Variants in DHCR24 observed in about 807,000 individuals in gnomAD.
DHCR24 encodes 24-dehydrocholesterol reductase.
In DHCR24, 28 loss-of-function variants were observed where a neutral mutation model predicts 61.2. The observed-to-expected ratio is 0.46, with a 90% confidence interval of 0.34 to 0.63. DHCR24 has a LOEUF of 0.63. DHCR24 is among the 20% of genes least tolerant of loss of function. DHCR24 has a pLI of 0.01. For synonymous variants in DHCR24, 261 were observed against 275.9 expected, an observed-to-expected ratio of 0.95 and a Z score of 0.54; for missense variants, 538 against 679.1, an observed-to-expected ratio of 0.79 and a Z score of 2.31.
At chr1:54,860,630 G>A (rs761256149) in intron 6 of DHCR24, among the ~76,000 whole-genome samples, 5 of 152,022 alleles carry the variant, frequency 3.3e-5, no homozygotes, top group African/African-American at 7.3e-5. Flanking sequence ...TGAATTCCCC[G>A]AATCCCATCA....
intron 2 of DHCR24, among the ~76,000 whole-genome samples, chr1:54,878,613 G>A (rs1647048116): frequency 6.8e-6 from 1 of 147,216 alleles, no homozygotes; most frequent in African/African-American, 2.5e-5. Flanking sequence ...AGCCAGACTA[G>A]AAAACTTGAT....
At chr1:54,875,039 G>A (rs1016565036) in intron 4 of DHCR24, 54 bp downstream of exon 4, 3 of 1,497,568 alleles carry the variant, frequency 2.0e-6, no homozygotes, top group Non-Finnish European at 2.8e-6. Flanking sequence ...CTGACCTCAG[G>A]ATCCTTAATG....
chr1:54,867,927 G>A (rs2278193), intron 5 of DHCR24, among the ~76,000 whole-genome samples: 69,602 of 152,044 alleles, frequency 0.46, 18,201 homozygotes, highest in South Asian at 0.65. Flanking sequence ...AAGTCTGCAG[G>A]CTGATATGTC....
In DHCR24 at chr1:54,887,078, G is replaced by A. The variant is rs866908072; in HGVS notation, c.42C>T (p.Phe14=). The A allele has an allele frequency of 1.2e-6, 2 of 1,607,372 alleles. No individual in the cohort carries two copies. Among genetic ancestry groups the A allele is most frequent in the Non-Finnish European group, 8.5e-7 (1 of 1,177,174 alleles). Residue 14 remains phenylalanine, a synonymous_variant, in exon 1 of 9, where the codon TTC becomes TTT. Coordinates refer to ENST00000371269, the MANE Select transcript of DHCR24 (RefSeq NM_014762.4). ...GCCCCTTCAGGCGCACCCACAGCAG[G>A]AAGAGCAGCGCGCACACGGCCAGCG... is the stretch of plus-strand genomic sequence containing the variant. ...AVSLAVCALL[F]LLWVRLKGLE... is the part of the protein sequence containing the mutation.
Position 54,887,131 on chromosome 1 carries a change from G to A in DHCR24, c.-12C>T, listed in dbSNP as rs780566617. The A allele has an allele frequency of 1.9e-6, 3 of 1,554,922 alleles. No individual in the cohort carries two copies. Among genetic ancestry groups the A allele is most frequent in the African/African-American group, 1.4e-5 (1 of 73,754 alleles). ...ACGGCGGGCTCCATGGTGCGGCGCC[G>A]CGCGGTAAGCGCTGCGGGTTCGCGC... On this transcript the variant is annotated 5_prime_UTR_variant, in exon 1 of 9. Transcript: ENST00000371269.
At position 54,852,101 on chromosome 1, in the gene DHCR24, G is replaced by A. The variant is rs1339120620; in HGVS notation, c.*132C>T. ...CCCTGGAAGCCAGGAGGAAGGTGGT[G>A]TTGGGCTGTCAGGGTGGGAGTTCTG... is the stretch of plus-strand genomic sequence containing the variant. On this transcript the variant is annotated 3_prime_UTR_variant, in exon 9 of 9. Coordinates refer to ENST00000371269, the MANE Select transcript of DHCR24 (RefSeq NM_014762.4). 2.8e-6 allele frequency: 3 copies of A among 1,083,416 alleles called. No homozygotes were observed. The highest frequency in any genetic ancestry group is 3.1e-5 in the African/African-American group (2 of 64,108). 67.1% of individuals were successfully genotyped at this position (1,083,416 alleles called of 1,614,324 possible).
rs1336247129 is a variant in DHCR24 at position 54,850,724 on chromosome 1, T to G, written c.*1509A>C. The G allele has an allele frequency of 2.6e-5, 4 of 152,236 alleles. No individual in the cohort carries two copies. Among genetic ancestry groups the G allele is most frequent in the Non-Finnish European group, 5.9e-5 (4 of 68,048 alleles). The allele number at this position is 152,236 out of a possible 1,614,324, so 9.4% of individuals were successfully genotyped here. ...CACTGGATCATTTTTCCTCTGACTT[T>G]CCACACAAATGAGGCTTTCCGTGGG... On this transcript the variant is annotated 3_prime_UTR_variant, in exon 9 of 9. Coordinates refer to ENST00000371269, the MANE Select transcript of DHCR24 (RefSeq NM_014762.4).
At chr1:54,865,100 G>A (rs1372707926) in intron 6 of DHCR24, among the ~76,000 whole-genome samples, 3 of 152,180 alleles carry the variant, frequency 2.0e-5, no homozygotes, top group Non-Finnish European at 2.9e-5. Context: ...GCAGATGCTT[G>A]CTAAGAGCCT....
chr1:54,864,162 C>T (rs926525808), intron 6 of DHCR24, among the ~76,000 whole-genome samples: 1 of 152,186 alleles, frequency 6.6e-6, no homozygotes, highest in African/African-American at 2.4e-5. Flanking sequence ...GAAAGTTAGA[C>T]ACAGAATTAG....
intron 2 of DHCR24, among the ~76,000 whole-genome samples, chr1:54,876,952 A>G (rs1158441560): frequency 6.6e-6 from 1 of 151,856 alleles, no homozygotes; most frequent in East Asian, 2.0e-4. Flanking sequence ...TAAGAAGTAT[A>G]GTGGTTCTGT....
At chr1:54,872,507 C>A (rs944039216) in intron 4 of DHCR24, among the ~76,000 whole-genome samples, 4 of 152,138 alleles carry the variant, frequency 2.6e-5, no homozygotes, top group African/African-American at 4.8e-5. Flanking sequence ...GGCAGGAGAG[C>A]TGGAGCAAGG....
At chr1:54,869,299 A>AC (rs1646984146) in intron 5 of DHCR24, among the ~76,000 whole-genome samples, 1 of 152,182 alleles carries the variant, frequency 6.6e-6, no homozygotes, top group African/African-American at 2.4e-5. Context: ...GACCATTACT[A>AC]CAAGTAGGCA....
At position 54,882,755 on chromosome 1, in the gene DHCR24, T is replaced by C. The variant is rs145870333; in HGVS notation, c.387+863A>G. ...AAGAGGCTAGACAAACAAAAAGTAC[T>C]GTATGATTCCATTTATATAAACTCT... On this transcript the variant is annotated intron_variant, in intron 2 of 8. Transcript: ENST00000371269. 5.0e-3 allele frequency among the ~76,000 whole-genome samples: 756 copies of C among 152,290 alleles called. 5 individuals are homozygous for C. Among genetic ancestry groups the C allele is most frequent in the Middle Eastern group, 0.02 (6 of 294 alleles).
At chr1:54,884,834 G>T (rs74899804) in intron 1 of DHCR24, among the ~76,000 whole-genome samples, 1 of 152,262 alleles carries the variant, frequency 6.6e-6, no homozygotes, top group East Asian at 1.9e-4. Context: ...TCGCTAAGCC[G>T]GTTGGATATG....
intron 1 of DHCR24, chr1:54,886,626 T>C: frequency 1.3e-6 from 2 of 1,481,514 alleles, no homozygotes; most frequent in Non-Finnish European, 1.8e-6. Context: ...ACCTGAGTGC[T>C]TCGCACCTCC....
At chr1:54,875,301 G>A in intron 3 of DHCR24, 90 bp from the exon 4 acceptor site, 1 of 1,143,376 alleles carries the variant, frequency 8.7e-7, no homozygotes, top group Non-Finnish European at 1.3e-6. Context: ...CTAGCATGAG[G>A]GAGGTTTGGC....
At chr1:54,861,869 C>A (rs1646940215) in intron 6 of DHCR24, among the ~76,000 whole-genome samples, 2 of 152,290 alleles carry the variant, frequency 1.3e-5, no homozygotes, top group South Asian at 4.1e-4. Flanking sequence ...TCTCCTCAAA[C>A]CATCAAAATC....
In DHCR24 at chr1:54,854,231, T is replaced by C. The variant is rs2101555676; in HGVS notation, c.1024A>G (p.Ile342Val). 3.7e-6 allele frequency: 6 copies of C among 1,612,850 alleles called. No individual in the cohort carries two copies. The highest frequency in any genetic ancestry group is 5.1e-6 in the Non-Finnish European group (6 of 1,179,440). Residue 342 changes from isoleucine to valine, a missense_variant, in exon 7 of 9, where the codon ATT becomes GTT. Ile to Val is a conservative substitution (Grantham distance 29). Coordinates refer to ENST00000371269, the MANE Select transcript of DHCR24 (RefSeq NM_014762.4). ...TRSIFWELQD[I>V]IPFGNNPIFR... is the part of the protein sequence containing the mutation. ...ATGGGGTTGTTGCCAAAGGGGATAA[T>C]GTCCTGGAAAACAAAGATTAGGGTT...
chr1:54,883,642 A>T lies in DHCR24; in HGVS notation c.363T>A (p.Ile121=). 6.2e-7 allele frequency: 1 copy of T among 1,614,176 alleles called. No individual in the cohort carries two copies. The highest frequency in any genetic ancestry group is 1.1e-5 in the South Asian group (1 of 91,076). ...CCTGTTTCTTGGTGTCCACTTCCAG[A>T]ATGTCCATCAGGTTGATCATGATGT... ...HKNIMINLMD[I]LEVDTKKQIV... The change falls in exon 2 of 9, where the codon ATT becomes ATA. Residue 121 remains isoleucine, a synonymous_variant. Transcript: ENST00000371269. This position sits in a 1 kb window ranked among gnomAD's most constrained non-coding sequence, Gnocchi z 4.3.
Sources: gnomAD v4.1 joint callset for allele counts (sites outside exome capture counted in the v4.1 genomes callset) on GRCh38, gnomAD v4.1.1 for gene constraint, Gnocchi (gnomAD v3.1) non-coding constraint, MANE v1.5 for transcripts, NCBI Gene and HGNC (gene_info 2026-07-23, HGNC 2026-07-21) for gene names.